Variants in ADGRV1 observed in about 807,000 individuals in gnomAD.
The protein encoded by ADGRV1 is G-protein coupled receptor 98.
In ADGRV1, 359 loss-of-function variants were observed where a neutral mutation model predicts 596.2. The observed-to-expected ratio is 0.60, with a 90% CI of 0.55 to 0.66. ADGRV1 has a LOEUF of 0.66. Among genes scored for constraint, ADGRV1 ranks in the 30% least tolerant of loss-of-function variants. The pLI is 0.00. For missense variants in ADGRV1, 7,274 were observed against 7,575.6 expected, an observed-to-expected ratio of 0.96 and a Z score of 1.48; for synonymous variants, 2,681 against 2,679.2, an observed-to-expected ratio of 1.00 and a Z score of -0.02.
intron 45 of ADGRV1, among the ~76,000 whole-genome samples, chr5:90,721,720 G>T (rs1004118857): frequency 1.3e-5 from 2 of 152,254 alleles, no homozygotes; most frequent in East Asian, 1.9e-4. Flanking sequence ...AAGTGCTTTT[G>T]TCAAAGGAGA....
chr5:91,052,363 ATGGAT>A (rs1429321170), intron 85 of ADGRV1, among the ~76,000 whole-genome samples: 1 of 151,224 alleles, frequency 6.6e-6, no homozygotes, highest in Non-Finnish European at 1.5e-5. Flanking sequence ...CATTTACTGA[ATGGAT>A]TGTAGTGTTT....
At chr5:90,989,077 T>G (rs1197683404) in intron 85 of ADGRV1, among the ~76,000 whole-genome samples, 6 of 152,078 alleles carry the variant, frequency 3.9e-5, no homozygotes, top group Non-Finnish European at 8.8e-5. Context: ...TCTTTGCTAT[T>G]GTGAATAGTG....
At chr5:90,595,138 A>G in intron 1 of ADGRV1, among the ~76,000 whole-genome samples, 3 of 121,052 alleles carry the variant, frequency 2.5e-5, no homozygotes, top group African/African-American at 3.5e-5. Flanking sequence ...TCCCTCCCGG[A>G]CGGGGCGGCT....
At chr5:90,895,394 G>C (rs1389466132) in intron 83 of ADGRV1, among the ~76,000 whole-genome samples, 2 of 152,180 alleles carry the variant, frequency 1.3e-5, no homozygotes, top group African/African-American at 4.8e-5. Flanking sequence ...GGGCTGACAT[G>C]TGAATTGAGA....
intron 75 of ADGRV1, among the ~76,000 whole-genome samples, chr5:90,818,260 A>G (rs1024014672): frequency 1.2e-4 from 18 of 151,768 alleles, no homozygotes; most frequent in Non-Finnish European, 2.1e-4. Context: ...TTGTACATTG[A>G]TTTTGTATCC....
chr5:91,074,509 G>T (rs548005500), intron 86 of ADGRV1, among the ~76,000 whole-genome samples: 2 of 152,106 alleles, frequency 1.3e-5, no homozygotes, highest in East Asian at 3.9e-4. Flanking sequence ...GATGATCTCG[G>T]TTTTTTATGA....
intron 1 of ADGRV1, among the ~76,000 whole-genome samples, chr5:90,576,445 A>G (rs1211320916): frequency 6.6e-6 from 1 of 152,126 alleles, no homozygotes; most frequent in Non-Finnish European, 1.5e-5. Context: ...ACATGAACTC[A>G]TCCTTTTTTA....
intron 13 of ADGRV1, among the ~76,000 whole-genome samples, 155 bp downstream of exon 13, chr5:90,643,196 A>T (rs1172385766): frequency 1.3e-5 from 2 of 152,194 alleles, no homozygotes; most frequent in Non-Finnish European, 2.9e-5. Flanking sequence ...TTTTAACAAA[A>T]GGTTTAAAAA....
chr5:90,821,656 TCTG>T, intron 75 of ADGRV1, among the ~76,000 whole-genome samples: 1 of 151,628 alleles, frequency 6.6e-6, no homozygotes, highest in Non-Finnish European at 1.5e-5. Flanking sequence ...CAGCTGCAGG[TCTG>T]TTGGAATAGC....
At position 90,642,733 on chromosome 5, in the gene ADGRV1, C is replaced by T. The variant is rs752896741; in HGVS notation, c.2338C>T (p.Pro780Ser). Residue 780 changes from proline (P) to serine (S), a missense_variant, in exon 12 of 90, where the codon CCT (proline) becomes TCT (serine). This residue lies in a region of ADGRV1 where 1,715 missense variants were observed against 1,708.8 expected (regional missense o/e 1.00). Transcript: ENST00000405460. ...DDPGGVFEFS[P>S]ASRGPYVIKE... ...CCCTGGGGGAGTTTTTGAATTTTCT[C>T]CTGCTTCCAGAGGACCCTATGTTAT... 3.1e-6 allele frequency: 5 copies of T among 1,613,400 alleles called. No individual in the cohort carries two copies. The highest frequency in any genetic ancestry group is 1.7e-5 in the Admixed American group (1 of 59,972).
chr5:90,740,211 G>C (rs920498278), intron 50 of ADGRV1, among the ~76,000 whole-genome samples: 1 of 152,020 alleles, frequency 6.6e-6, no homozygotes, highest in Admixed American at 6.6e-5. Flanking sequence ...GGATAATGCT[G>C]ACCTGCCCTT....
intron 1 of ADGRV1, among the ~76,000 whole-genome samples, chr5:90,611,032 G>C (rs1762671922): frequency 2.0e-5 from 3 of 151,254 alleles, no homozygotes; most frequent in Non-Finnish European, 4.4e-5. Flanking sequence ...TGATTGACCT[G>C]ATCTGAATGG....
chr5:91,089,842 G>A (rs1790228911), intron 86 of ADGRV1, among the ~76,000 whole-genome samples: 1 of 152,170 alleles, frequency 6.6e-6, no homozygotes, highest in South Asian at 2.1e-4. Context: ...GTTTAAAGAT[G>A]CATTGTACAT....
Position 90,788,279 on chromosome 5 carries a change from T to C in ADGRV1, c.13862T>C (p.Leu4621Ser). Residue 4621 changes from leucine (L) to serine (S), a missense_variant, in exon 68 of 90, where the codon TTA (leucine) becomes TCA (serine). Leu to Ser is a moderately radical substitution (Grantham distance 145, BLOSUM62 -2). This residue lies in a region of ADGRV1 where 3,643 missense variants were observed against 3,809.2 expected (regional missense o/e 0.96). Transcript: ENST00000405460. The part of the protein sequence containing the change: ...KLHLVKGEAK[L>S]DSRAKDVTLT... ...CATCTTGTGAAAGGAGAAGCTAAAT[T>C]AGACTCCAGAGCTAAAGATGTTACA... The C allele has an allele frequency of 6.2e-7, 1 of 1,612,958 alleles. No homozygotes were observed. Among genetic ancestry groups the C allele is most frequent in the Non-Finnish European group, 8.5e-7 (1 of 1,179,068 alleles).
intron 87 of ADGRV1, among the ~76,000 whole-genome samples, chr5:91,113,548 G>T (rs1460402166): frequency 7.2e-6 from 1 of 138,182 alleles, no homozygotes; most frequent in Non-Finnish European, 1.6e-5. Flanking sequence ...CTCTAAGAGA[G>T]TCAGTTGTTC....
chr5:90,665,380 G>A (rs1771151522), intron 21 of ADGRV1, among the ~76,000 whole-genome samples: 1 of 151,390 alleles, frequency 6.6e-6, no homozygotes, highest in Non-Finnish European at 1.5e-5. Context: ...ATTTCTTCTA[G>A]ATTTTCTAGT....
chr5:90,891,764 T>C (rs1770845706), intron 83 of ADGRV1, among the ~76,000 whole-genome samples: 1 of 151,990 alleles, frequency 6.6e-6, no homozygotes, highest in African/African-American at 2.4e-5. Context: ...TGAAATGTTA[T>C]TGACAATGAA....
chr5:90,947,940 T>A (rs1210552556), intron 83 of ADGRV1, among the ~76,000 whole-genome samples: 3 of 152,042 alleles, frequency 2.0e-5, no homozygotes, highest in South Asian at 2.1e-4. Context: ...ACACACACAC[T>A]CACATGTAAA....
intron 87 of ADGRV1, among the ~76,000 whole-genome samples, chr5:91,129,963 T>A (rs1230313704): frequency 6.6e-6 from 1 of 152,090 alleles, no homozygotes; most frequent in Non-Finnish European, 1.5e-5. Context: ...TTTTAAGAAA[T>A]ACTCTTCTTA....
Sources: gnomAD v4.1 joint callset for allele counts (sites outside exome capture counted in the v4.1 genomes callset) on GRCh38, gnomAD v4.1.1 for gene constraint, gnomAD v4.1.1 regional missense constraint, MANE v1.5 for transcripts, NCBI Gene and HGNC (gene_info 2026-07-23, HGNC 2026-07-21) for gene names.